Variants in SLC35E4 observed in about 807,000 individuals in gnomAD.
The protein encoded by SLC35E4 is solute carrier family 35 member E4.
Under a neutral mutation model 19.3 loss-of-function variants are expected in SLC35E4, and 15 were observed. The observed-to-expected ratio is 0.78, with a 90% CI of 0.52 to 1.20. The LOEUF is 1.20. Among genes scored for constraint, SLC35E4 ranks in the 50% most tolerant of loss-of-function variants. SLC35E4 has a pLI of 0.00. For synonymous variants in SLC35E4, 219 were observed against 219.9 expected (o/e 1.00, Z 0.04); for missense variants, 406 against 472.3 (o/e 0.86, Z 1.30).
At chr22:30,651,395 GTGTGTATATA>G (rs1254744777), downstream of SLC35E4, among the ~76,000 whole-genome samples, 79 of 54,026 alleles carry the variant, frequency 1.5e-3, no homozygotes, top group East Asian at 5.1e-3. Context: ...GTGTGTGTGT[GTGTGTATATA>G]TATATATATA....
downstream of SLC35E4, chr22:30,663,483 A>G (rs138771280): frequency 6.2e-7 from 1 of 1,613,832 alleles, no homozygotes; most frequent in African/African-American, 1.3e-5. Context: ...GATGTCAGGG[A>G]TCATTCCCAC....
At chr22:30,651,417 ATATATATATATTTTTTTTTTTTTTTTTTT>A (rs1168592399), downstream of SLC35E4, among the ~76,000 whole-genome samples, 22 of 66,522 alleles carry the variant, frequency 3.3e-4, no homozygotes, top group Non-Finnish European at 4.5e-4. Flanking sequence ...ATATATATAT[ATATATATATATTTTTTTTTTTTTTTTTTT>A]TTTTTTTTTT....
intron 1 of SLC35E4, among the ~76,000 whole-genome samples, chr22:30,637,632 T>C (rs779879207): frequency 1.3e-5 from 2 of 152,154 alleles, no homozygotes; most frequent in Non-Finnish European, 2.9e-5. Context: ...CTCAGCGATC[T>C]TCCCCCCTCA....
At chr22:30,638,685 G>A (rs553526483) in intron 1 of SLC35E4, among the ~76,000 whole-genome samples, 60 of 151,470 alleles carry the variant, frequency 4.0e-4, no homozygotes, top group African/African-American at 1.4e-3. Context: ...GATGGTGGGC[G>A]CCTGTAATCC....
Position 30,636,082 on chromosome 22 carries a change from G to A in SLC35E4, c.-369G>A, listed in dbSNP as rs997544392. On this transcript the variant is annotated 5_prime_UTR_variant, in exon 1 of 2. An upstream start codon of the reference 5' UTR is lost. Transcript: ENST00000343605. ...GGTCTGGATCTGCGCGCACCCTAAT[G>A]ACCTGGGGACTGAAGAGAAAAAAGG... 1.0e-5 allele frequency: 2 copies of A among 199,214 alleles called. No homozygotes were observed. The highest frequency in any genetic ancestry group is 4.6e-5 in the African/African-American group (2 of 43,162). 12.3% of individuals were successfully genotyped at this position (199,214 alleles called of 1,614,324 possible). A position where few individuals can be genotyped will look rare whatever the true frequency, so the allele number is the denominator to read the frequency against.
chr22:30,639,836 G>A (rs1281704562), intron 1 of SLC35E4, among the ~76,000 whole-genome samples: 2 of 152,162 alleles, frequency 1.3e-5, no homozygotes, highest in African/African-American at 4.8e-5. Context: ...TCTACAATTT[G>A]TGCAGTTAAC....
At position 30,636,887 on chromosome 22, in the gene SLC35E4, T is replaced by C. The variant is rs763699549; in HGVS notation, c.437T>C (p.Phe146Ser). ...AQLVTTTTPL[F>S]TLALSALLLG... ...CTGGTTACTACCACCACACCTCTGT[T>C]CACCCTGGCCCTGTCGGCGCTGCTG... The change falls in exon 1 of 2, where the codon TTC (phenylalanine) becomes TCC (serine). Residue 146 changes from phenylalanine to serine, a missense_variant. Phe to Ser is a radical substitution (Grantham distance 155, BLOSUM62 -2). Coordinates refer to ENST00000343605, the MANE Select transcript of SLC35E4 (RefSeq NM_001001479.4). 14 of 1,612,550 alleles carry C rather than the reference T, an allele frequency of 8.7e-6. No homozygotes were observed. In the East Asian group the frequency reaches 3.1e-4, roughly 36 times the overall value.
chr22:30,651,240 G>A (rs930211077), downstream of SLC35E4, among the ~76,000 whole-genome samples: 6 of 149,862 alleles, frequency 4.0e-5, no homozygotes, highest in East Asian at 1.9e-4. Context: ...TCGCTCTGTC[G>A]CCCAGGCTAG....
At chr22:30,666,358 A>C (rs2088662733), downstream of SLC35E4, among the ~76,000 whole-genome samples, 1 of 152,124 alleles carries the variant, frequency 6.6e-6, no homozygotes, top group East Asian at 1.9e-4. Context: ...CGGTGGCTTA[A>C]GCCTATAATC....
At position 30,636,295 on chromosome 22, in the gene SLC35E4, C is replaced by T. The variant is rs2087943659; in HGVS notation, c.-156C>T. 1.0e-5 allele frequency: 11 copies of T among 1,092,162 alleles called. No homozygotes were observed. Among genetic ancestry groups the T allele is most frequent in the Non-Finnish European group, 1.4e-5 (11 of 797,368 alleles). 67.7% of individuals were successfully genotyped at this position (1,092,162 alleles called of 1,614,324 possible). A position where few individuals can be genotyped will look rare whatever the true frequency, so the allele number is the denominator to read the frequency against. On this transcript the variant is annotated 5_prime_UTR_variant, in exon 1 of 2. Transcript: ENST00000343605. ...CAGCTTAGCTTCTAGACATCGCTGG[C>T]ACAGGCCTGGCACAAGTAAGCAGTG...
intron 1 of SLC35E4, among the ~76,000 whole-genome samples, chr22:30,642,283 G>A (rs1036028055): frequency 1.3e-5 from 2 of 151,996 alleles, no homozygotes; most frequent in Non-Finnish European, 2.9e-5. Flanking sequence ...CTGGGATTAC[G>A]GGCATGAGCC....
At chr22:30,637,797 AC>A (rs1203704540) in intron 1 of SLC35E4, among the ~76,000 whole-genome samples, 7 of 152,322 alleles carry the variant, frequency 4.6e-5, no homozygotes, top group Admixed American at 3.9e-4. Context: ...CAAGATCTAA[AC>A]CCAGATAGTC....
At chr22:30,669,004 C>A (rs1569077715) in exon 3 of SLC35E4, 1 of 151,850 alleles carries the variant, frequency 6.6e-6, no homozygotes. Flanking sequence ...TTTAAAAAAA[C>A]AAAAAACTCT....
intron 1 of SLC35E4, among the ~76,000 whole-genome samples, chr22:30,644,797 T>G (rs1163079028): frequency 2.6e-5 from 4 of 152,032 alleles, no homozygotes; most frequent in Non-Finnish European, 5.9e-5. Context: ...CAAATAATAA[T>G]AATAATGTCA....
intron 1 of SLC35E4, among the ~76,000 whole-genome samples, chr22:30,642,259 C>T (rs2088054671): frequency 6.6e-6 from 1 of 152,208 alleles, no homozygotes; most frequent in South Asian, 2.1e-4. Flanking sequence ...ATTTACCCAC[C>T]TCGGCCTAAA....
chr22:30,640,699 C>G (rs575327485), intron 1 of SLC35E4, among the ~76,000 whole-genome samples: 1 of 152,334 alleles, frequency 6.6e-6, no homozygotes, highest in South Asian at 2.1e-4. Flanking sequence ...CCAGCCATAC[C>G]TTTGCTCATA....
rs2145590291 is a variant in SLC35E4, at chr22:30,653,389, T to TG, written c.*8+4137dup. 2.0e-5 allele frequency among the ~76,000 whole-genome samples: 3 copies of TG among 151,312 alleles called. 1 individual carries two copies. The East Asian group carries it at 5.8e-4, about 29-fold the overall frequency. ...CTTCCTCCTTCTTTTTTTTTTTTTT[T>TG]GAGACAGAGTCTTGCTCTGTCACCC... On this transcript the variant is annotated intron_variant, in intron 2 of 2. Transcript: ENST00000406566.
chr22:30,668,884 G>A (rs962976428), exon 3 of SLC35E4: 15 of 152,202 alleles, frequency 9.9e-5, no homozygotes, highest in African/African-American at 3.6e-4. Flanking sequence ...TTACTTGAAA[G>A]GGAATATTTC....
At position 30,658,141 on chromosome 22, in the gene SLC35E4, C is replaced by A. The variant is rs1049572988; in HGVS notation, c.*9-3919C>A. On this transcript the variant is annotated intron_variant, in intron 2 of 2. Transcript: ENST00000406566. ...TTTTTTTAGTTAAAAAAAACTGAATCTCTCGGGGTTCTAGTTCTAAGTAAG... is the reference window on the plus strand; with the variant it reads ...TTTTTTTAGTTAAAAAAAACTGAATATCTCGGGGTTCTAGTTCTAAGTAAG... Among the ~76,000 whole-genome samples, 3 of 151,004 alleles carry A rather than the reference C, an allele frequency of 2.0e-5. 1 individual carries two copies. The Admixed American group carries it at 2.0e-4, about 10-fold the overall frequency.
Sources: allele counts gnomAD v4.1 joint callset (sites outside exome capture counted in the v4.1 genomes callset), GRCh38; gene constraint gnomAD v4.1.1; transcripts MANE v1.5; gene names NCBI Gene and HGNC (gene_info 2026-07-23, HGNC 2026-07-21).